Variants in OPCML observed in about 807,000 individuals in gnomAD.
OPCML encodes opioid-binding protein/cell adhesion molecule.
A neutral mutation model predicts 37.8 loss-of-function variants in OPCML; 13 were observed. That is an observed-to-expected ratio of 0.34 (90% confidence interval 0.22 to 0.55). The LOEUF is 0.55. Among genes scored for constraint, OPCML ranks in the 20% least tolerant of loss-of-function variants. The pLI is 0.91. For synonymous variants in OPCML, 176 were observed against 168.8 expected (o/e 1.04, Z -0.33); for missense variants, 341 against 435.6 (o/e 0.78, Z 1.93).
chr11:132,867,758 T>C (rs186193297), intron 2 of OPCML, among the ~76,000 whole-genome samples: 1 of 152,346 alleles, frequency 6.6e-6, no homozygotes, highest in Non-Finnish European at 1.5e-5. Flanking sequence ...CCCACTGCCC[T>C]AAGTGTAATG....
At chr11:132,541,881 G>A (rs1232148563) in intron 3 of OPCML, among the ~76,000 whole-genome samples, 2 of 152,198 alleles carry the variant, frequency 1.3e-5, no homozygotes, top group African/African-American at 2.4e-5. Context: ...AGTGAGATGG[G>A]TAGAAGAGAA....
intron 3 of OPCML, among the ~76,000 whole-genome samples, chr11:132,623,857 C>T (rs1301477731): frequency 6.6e-6 from 1 of 152,212 alleles, no homozygotes; most frequent in African/African-American, 2.4e-5. Flanking sequence ...ACTGAAAGAA[C>T]TGTCACAAGT....
chr11:132,608,161 T>C (rs139119515), intron 3 of OPCML, among the ~76,000 whole-genome samples: 130 of 152,280 alleles, frequency 8.5e-4, no homozygotes, highest in African/African-American at 3.1e-3. Context: ...AGATAAATTA[T>C]TGGAAGGGTT....
At chr11:133,072,867 T>G (rs1446158065) in intron 1 of OPCML, among the ~76,000 whole-genome samples, 1 of 152,156 alleles carries the variant, frequency 6.6e-6, no homozygotes, top group Non-Finnish European at 1.5e-5. Context: ...GTGACACTGG[T>G]TTTACTGGGA....
chr11:132,981,091 G>T (rs781289723), intron 1 of OPCML, among the ~76,000 whole-genome samples: 1 of 152,308 alleles, frequency 6.6e-6, no homozygotes, highest in Non-Finnish European at 1.5e-5. Flanking sequence ...TTCTAATCTT[G>T]TGGGACCCAC....
chr11:133,489,706 A>G (rs1479911465), intron 1 of OPCML, among the ~76,000 whole-genome samples: 1 of 152,148 alleles, frequency 6.6e-6, no homozygotes, highest in Non-Finnish European at 1.5e-5. Context: ...AGGGAAATAA[A>G]TCATTATTTC....
At chr11:133,372,790 G>C (rs1465530671) in intron 1 of OPCML, among the ~76,000 whole-genome samples, 2 of 152,162 alleles carry the variant, frequency 1.3e-5, no homozygotes, top group African/African-American at 2.4e-5. Flanking sequence ...GTAGCAAGGA[G>C]CCCTTCTGAC....
chr11:133,124,806 G>T (rs890023981), intron 1 of OPCML, among the ~76,000 whole-genome samples: 2 of 152,088 alleles, frequency 1.3e-5, no homozygotes, highest in Admixed American at 6.6e-5. Context: ...CAATAACTTT[G>T]CCAGTAGTTT....
chr11:133,153,290 G>C (rs1290221634), intron 1 of OPCML, among the ~76,000 whole-genome samples: 1 of 151,602 alleles, frequency 6.6e-6, no homozygotes, highest in African/African-American at 2.4e-5. Flanking sequence ...CCACGGGGAG[G>C]GCTTATGGCT....
At chr11:133,514,484 C>T (rs756259470) in intron 1 of OPCML, among the ~76,000 whole-genome samples, 10 of 152,170 alleles carry the variant, frequency 6.6e-5, no homozygotes, top group Admixed American at 2.6e-4. Context: ...TGGCATCTGC[C>T]GTTACTTAAA....
chr11:133,058,577 A>G (rs1948282988), intron 1 of OPCML, among the ~76,000 whole-genome samples: 1 of 152,132 alleles, frequency 6.6e-6, no homozygotes, highest in South Asian at 2.1e-4. Context: ...AGCCTAGAGT[A>G]TCAGAAAGCA....
chr11:132,900,077 T>C (rs1043346702), intron 2 of OPCML, among the ~76,000 whole-genome samples: 5 of 152,188 alleles, frequency 3.3e-5, no homozygotes, highest in African/African-American at 1.2e-4. Context: ...CATTGATTTT[T>C]ATGTCTCTAG....
At chr11:133,338,817 G>A (rs1943799430) in intron 1 of OPCML, among the ~76,000 whole-genome samples, 1 of 152,256 alleles carries the variant, frequency 6.6e-6, no homozygotes, top group Non-Finnish European at 1.5e-5. Flanking sequence ...GGCCTGGCCA[G>A]CAGTGTGAGG....
At chr11:132,505,978 A>G (rs2096255978) in intron 4 of OPCML, among the ~76,000 whole-genome samples, 1 of 152,218 alleles carries the variant, frequency 6.6e-6, no homozygotes, top group African/African-American at 2.4e-5. Context: ...TCTCCCGGAA[A>G]GAATTTTCAA....
At chr11:133,464,956 C>T (rs893809999) in intron 1 of OPCML, among the ~76,000 whole-genome samples, 3 of 152,210 alleles carry the variant, frequency 2.0e-5, no homozygotes, top group South Asian at 4.1e-4. Flanking sequence ...GTGACATGAG[C>T]GTGAGGGGCT....
intron 2 of OPCML, among the ~76,000 whole-genome samples, chr11:132,784,533 CA>C (rs1419457299): frequency 6.6e-6 from 1 of 152,146 alleles, no homozygotes; most frequent in African/African-American, 2.4e-5. Context: ...TCCAAGTAAA[CA>C]GTCGCTGCTT....
At chr11:132,550,453 G>A (rs145728107) in intron 3 of OPCML, among the ~76,000 whole-genome samples, 3 of 152,232 alleles carry the variant, frequency 2.0e-5, no homozygotes, top group Non-Finnish European at 2.9e-5. Context: ...CTCTGGCCAC[G>A]TGAAGTGCTC....
chr11:132,932,828 C>T, intron 2 of OPCML, among the ~76,000 whole-genome samples: 1 of 151,658 alleles, frequency 6.6e-6, no homozygotes, highest in East Asian at 1.9e-4. Context: ...TCATTTACTG[C>T]CTCCCATCAG....
Position 132,722,386 on chromosome 11 carries a change from A to G in OPCML, c.147-65067T>C, listed in dbSNP as rs144974027. 5.9e-3 allele frequency among the ~76,000 whole-genome samples: 904 copies of G among 152,250 alleles called. 5 individuals carry two copies. The highest frequency in any genetic ancestry group is 9.4e-3 in the Admixed American group (144 of 15,292). On this transcript the variant is annotated intron_variant, in intron 2 of 7. Transcript: ENST00000524381. ...GCATTTTTTAAAAATATGCTAATCT[A>G]AAATGGTTGATTCTTCTTCTTATAA...
Sources: gnomAD v4.1 joint callset for allele counts (sites outside exome capture counted in the v4.1 genomes callset) on GRCh38, gnomAD v4.1.1 for gene constraint, MANE v1.5 for transcripts, NCBI Gene and HGNC (gene_info 2026-07-23, HGNC 2026-07-21) for gene names.